The following ME1 variants were observed in gnomAD, a reference collection of about 807,000 sequenced individuals.
ME1 encodes the protein malic enzyme 1, also known as NADP-dependent malic enzyme.
In ME1, 74 loss-of-function variants were observed where a neutral mutation model predicts 66.4. The observed-to-expected ratio is 1.11, with a 90% CI of 0.92 to 1.35. ME1 has a LOEUF of 1.35. ME1 is among the 40% of genes most tolerant of loss of function. ME1 has a pLI of 0.00. For missense variants in ME1, 750 were observed against 694.1 expected, an observed-to-expected ratio of 1.08 and a Z score of -0.90; for synonymous variants, 251 against 235.6, an observed-to-expected ratio of 1.07 and a Z score of -0.60.
At chr6:83,249,188 A>G (rs912389436) in intron 7 of ME1, among the ~76,000 whole-genome samples, 1 of 152,056 alleles carries the variant, frequency 6.6e-6, no homozygotes, top group Admixed American at 6.6e-5. Flanking sequence ...TATAGCTGCC[A>G]TACTAAATAC....
intron 1 of ME1, among the ~76,000 whole-genome samples, chr6:83,429,053 G>A (rs144516572): frequency 1.4e-3 from 209 of 152,142 alleles, no homozygotes; most frequent in African/African-American, 4.8e-3. Context: ...CACGAAGCCA[G>A]GAGATCGAGA....
intron 6 of ME1, among the ~76,000 whole-genome samples, chr6:83,309,800 G>A (rs1767897789): frequency 6.6e-6 from 1 of 152,040 alleles, no homozygotes; most frequent in Non-Finnish European, 1.5e-5. Flanking sequence ...GCAGGGAGTG[G>A]GGAAGATGAA....
At chr6:83,213,761 T>A (rs1425414612) in intron 13 of ME1, among the ~76,000 whole-genome samples, 1 of 152,212 alleles carries the variant, frequency 6.6e-6, no homozygotes, top group Non-Finnish European at 1.5e-5. Flanking sequence ...CTCATCTCAA[T>A]GTAAAACTAT....
intron 3 of ME1, among the ~76,000 whole-genome samples, chr6:83,397,524 G>A (rs552631877): frequency 1.4e-4 from 22 of 152,224 alleles, no homozygotes; most frequent in African/African-American, 4.8e-4. Flanking sequence ...ACTGTTCAGT[G>A]GGAATGTAAA....
intron 3 of ME1, among the ~76,000 whole-genome samples, chr6:83,364,677 C>CA (rs1769066220): frequency 6.6e-6 from 1 of 152,120 alleles, no homozygotes. Context: ...TACATATACA[C>CA]TTCATGCATA....
At chr6:83,405,808 G>A (rs1390244249) in intron 2 of ME1, among the ~76,000 whole-genome samples, 5 of 143,554 alleles carry the variant, frequency 3.5e-5, no homozygotes, top group South Asian at 2.4e-4. Flanking sequence ...TGCAAGCTCC[G>A]CCTCCCGGGT....
rs532439136 is a variant in ME1 at position 83,304,433 on chromosome 6, G to A, written c.704+10877C>T. 1.4e-4 allele frequency among the ~76,000 whole-genome samples: 22 copies of A among 152,264 alleles called. 1 individual carries two copies. In the South Asian group the frequency reaches 4.3e-3, roughly 30 times the overall value. On this transcript the variant is annotated intron_variant, in intron 6 of 13. Coordinates refer to ENST00000369705, the MANE Select transcript of ME1 (RefSeq NM_002395.6). ...CCCAGGCAGCACCATTCCAACCTGT[G>A]CTCAGTAGGATGAGCCTTTCTTTCC...
chr6:83,242,678 T>A (rs144869496), intron 7 of ME1, among the ~76,000 whole-genome samples: 32 of 152,044 alleles, frequency 2.1e-4, no homozygotes, highest in African/African-American at 7.2e-4. Context: ...CAAACTCTAC[T>A]AAAACAATAG....
chr6:83,264,152 A>G (rs1188031420), intron 6 of ME1, among the ~76,000 whole-genome samples: 1 of 152,226 alleles, frequency 6.6e-6, no homozygotes, highest in Non-Finnish European at 1.5e-5. Context: ...ATTATGCTAA[A>G]TAGACTCTGT....
intron 6 of ME1, among the ~76,000 whole-genome samples, chr6:83,308,477 T>TA (rs5877840): frequency 0.24 from 32,512 of 137,254 alleles, 3,983 homozygotes; most frequent in Middle Eastern, 0.41. Flanking sequence ...ACTGATTCTG[T>TA]AAAAAAAAAA....
At chr6:83,273,271 TAAG>T (rs1020732902) in intron 6 of ME1, among the ~76,000 whole-genome samples, 8 of 147,904 alleles carry the variant, frequency 5.4e-5, no homozygotes, top group African/African-American at 2.0e-4. Flanking sequence ...AGACATAAAA[TAAG>T]AAGGTTTTAA....
chr6:83,416,430 T>C (rs79663913), intron 1 of ME1, among the ~76,000 whole-genome samples: 205 of 152,308 alleles, frequency 1.3e-3, no homozygotes, highest in African/African-American at 4.7e-3. Flanking sequence ...GAAGAACCAA[T>C]TTAGCCCCCT....
In ME1 at chr6:83,404,119, C is replaced by T. The variant is rs568212090; in HGVS notation, c.212+3649G>A. On this transcript the variant is annotated intron_variant, in intron 2 of 13. Transcript: ENST00000369705. The stretch of plus-strand genomic sequence containing the variant: ...TGGTTGAACTAATTTACACTCCCAC[C>T]AACAATGTAAAAGCATTCCTATTTC... Among the ~76,000 whole-genome samples the T allele has an allele frequency of 4.6e-5, 7 of 152,230 alleles. No homozygotes were observed. The South Asian group carries it at 1.2e-3, about 27-fold the overall frequency.
intron 7 of ME1, among the ~76,000 whole-genome samples, chr6:83,242,737 G>T (rs181700846): frequency 1.3e-5 from 2 of 151,946 alleles, no homozygotes; most frequent in African/African-American, 2.4e-5. Flanking sequence ...AAGAGAAAAG[G>T]GTAGCAAAAA....
chr6:83,274,880 A>G (rs1344881244), intron 6 of ME1, among the ~76,000 whole-genome samples: 1 of 152,232 alleles, frequency 6.6e-6, no homozygotes, highest in Non-Finnish European at 1.5e-5. Flanking sequence ...GTGTTTCTCC[A>G]AGTAATAAAC....
intron 1 of ME1, among the ~76,000 whole-genome samples, chr6:83,425,587 G>C (rs1046352736): frequency 1.3e-5 from 2 of 152,080 alleles, no homozygotes; most frequent in Non-Finnish European, 2.9e-5. Flanking sequence ...GAGAACAGCA[G>C]CATGGGGGTA....
chr6:83,257,230 T>C (rs1251771695), intron 6 of ME1, among the ~76,000 whole-genome samples: 1 of 151,566 alleles, frequency 6.6e-6, no homozygotes, highest in African/African-American at 2.4e-5. Flanking sequence ...AATTAAGACA[T>C]CTTTAGATAA....
At chr6:83,351,412 C>T (rs940505937) in intron 4 of ME1, among the ~76,000 whole-genome samples, 3 of 152,128 alleles carry the variant, frequency 2.0e-5, no homozygotes, top group Non-Finnish European at 1.5e-5. Flanking sequence ...AAACACTTCT[C>T]ACCTCCCTTA....
intron 3 of ME1, among the ~76,000 whole-genome samples, chr6:83,355,136 A>G (rs1403860184): frequency 6.6e-6 from 1 of 152,162 alleles, no homozygotes; most frequent in African/African-American, 2.4e-5. Flanking sequence ...GTCATAGTCC[A>G]ATGTGAGCCT....
Sources: allele counts gnomAD v4.1 joint callset (sites outside exome capture counted in the v4.1 genomes callset), GRCh38; gene constraint gnomAD v4.1.1; transcripts MANE v1.5; gene names NCBI Gene and HGNC (gene_info 2026-07-23, HGNC 2026-07-21).